The following TGFBR1 variants were observed in gnomAD, a reference collection of about 807,000 sequenced individuals.
TGFBR1 encodes the protein transforming growth factor beta receptor 1, also known as TGF-beta receptor type-1.
TGFBR1 carries 20 observed loss-of-function variants against 55.1 expected under a neutral mutation model. The ratio of observed to expected loss-of-function variants is 0.36; its 90% CI spans 0.26 to 0.53. TGFBR1 has a LOEUF of 0.53. TGFBR1 is among the 20% of genes least tolerant of loss of function. TGFBR1 has a pLI of 0.91. For missense variants in TGFBR1, 385 were observed against 617.6 expected (o/e 0.62, Z 3.99); for synonymous variants, 220 against 214.8 (o/e 1.02, Z -0.21).
intron 4 of TGFBR1, 32 bp downstream of exon 4, chr9:99,138,121 T>C (rs200310614): frequency 1.8e-5 from 28 of 1,568,168 alleles, no homozygotes; most frequent in Admixed American, 5.0e-5. Context: ...TTATGTTATA[T>C]ATAACAAGAT....
chr9:99,151,011 G>C lies in TGFBR1; in HGVS notation c.*1706G>C, dbSNP rs1157018500. On this transcript the variant is annotated 3_prime_UTR_variant, in exon 9 of 9. Transcript: ENST00000374994. The stretch of plus-strand genomic sequence containing the variant: ...AGTGCTATCAGTTCCCCGATACAGG[G>C]TCAGAGTAACCCATACAGTATTTTG... 1 of 227,854 alleles carries C rather than the reference G, an allele frequency of 4.4e-6. No homozygotes were observed. The highest frequency in any genetic ancestry group is 5.7e-5 in the Admixed American group (1 of 17,566). The allele number at this position is 227,854 out of a possible 1,614,324, so 14.1% of individuals were successfully genotyped here.
intron 1 of TGFBR1, among the ~76,000 whole-genome samples, chr9:99,106,700 A>G (rs79181917): frequency 0.014 from 2,059 of 151,718 alleles, 50 homozygotes; most frequent in African/African-American, 0.047. Flanking sequence ...CCTGTATGTC[A>G]TATATATATA....
rs200225987 is a variant in TGFBR1 at position 99,152,410 on chromosome 9, A to G, written c.*3105A>G. 1.3e-5 allele frequency: 3 copies of G among 227,654 alleles called. No individual in the cohort carries two copies. Among genetic ancestry groups the G allele is most frequent in the Non-Finnish European group, 2.6e-5 (3 of 114,262 alleles). The allele number at this position is 227,654 out of a possible 1,614,324, so 14.1% of individuals were successfully genotyped here. On this transcript the variant is annotated 3_prime_UTR_variant, in exon 9 of 9. Transcript: ENST00000374994. ...AGAGCTGAGCCTGTAATTCTGCTGT[A>G]ATAATGATAGTGCTCAAGAAGTGCC... is the stretch of plus-strand genomic sequence containing the variant.
chr9:99,136,203 A>G (rs1217915696), intron 3 of TGFBR1, among the ~76,000 whole-genome samples: 3 of 152,194 alleles, frequency 2.0e-5, no homozygotes, highest in Non-Finnish European at 4.4e-5. Flanking sequence ...AAGTAATCCA[A>G]TATAGATAAT....
intron 5 of TGFBR1, among the ~76,000 whole-genome samples, chr9:99,144,400 T>C (rs1211855192): frequency 1.3e-5 from 2 of 152,248 alleles, no homozygotes; most frequent in African/African-American, 4.8e-5. Flanking sequence ...GCTTGGTTCC[T>C]GGGCTGCTGG....
Position 99,138,006 on chromosome 9 carries a change from C to T in TGFBR1, c.722C>T (p.Ser241Leu), listed in dbSNP as rs111854391. Residue 241 changes from serine to leucine, a missense_variant, in exon 4 of 9, where the codon TCG (serine) becomes TTG (leucine). By Grantham distance (145) the Ser-to-Leu change is moderately radical (BLOSUM62 -2). Around this residue, in one of 5 missense-constraint regions of TGFBR1, gnomAD observed 85 missense variants for 228.4 expected, o/e 0.37. Coordinates refer to ENST00000374994, the MANE Select transcript of TGFBR1 (RefSeq NM_004612.4). Reference protein sequence around the residue: ...VKIFSSREERSWFREAEIYQT... With the variant: ...VKIFSSREERLWFREAEIYQT... ...ATATTCTCCTCTAGAGAAGAACGTT[C>T]GTGGTTCCGTGAGGCAGAGATTTAT... is the stretch of plus-strand genomic sequence containing the variant. 1 of 1,614,006 alleles carries T rather than the reference C, an allele frequency of 6.2e-7. No homozygotes were observed. Among genetic ancestry groups the T allele is most frequent in the Non-Finnish European group, 8.5e-7 (1 of 1,179,952 alleles).
intron 2 of TGFBR1, among the ~76,000 whole-genome samples, chr9:99,130,375 G>C (rs1346418962): frequency 1.3e-5 from 2 of 152,192 alleles, no homozygotes; most frequent in Non-Finnish European, 2.9e-5. Flanking sequence ...AATTAAAGGA[G>C]GAAGCACTGC....
At chr9:99,148,742 G>A (rs1235039883) in intron 8 of TGFBR1, among the ~76,000 whole-genome samples, 2 of 152,090 alleles carry the variant, frequency 1.3e-5, no homozygotes, top group East Asian at 3.8e-4. Context: ...TGAAGTGGGA[G>A]GATTGCTGGA....
intron 3 of TGFBR1, among the ~76,000 whole-genome samples, chr9:99,136,058 T>A (rs2118684214): frequency 6.6e-6 from 1 of 152,230 alleles, no homozygotes; most frequent in Non-Finnish European, 1.5e-5. Context: ...TTTCACCATG[T>A]TGGCCAGGCT....
chr9:99,105,163 C>G lies in TGFBR1; in HGVS notation c.-43C>G. On this transcript the variant is annotated 5_prime_UTR_variant, in exon 1 of 9. Transcript: ENST00000374994. ...GAGGTTTGCTGGGGTGAGGCAGCGG[C>G]GCGGCCGGGCCGGGCCGGGCCACAG... 9.2e-7 allele frequency: 1 copy of G among 1,084,480 alleles called. No homozygotes were observed. The highest frequency in any genetic ancestry group is 1.1e-6 in the Non-Finnish European group (1 of 893,578). 67.2% of individuals were successfully genotyped at this position (1,084,480 alleles called of 1,614,324 possible).
chr9:99,146,462 T>C (rs1265671315), intron 6 of TGFBR1, 23 bp from the exon 7 acceptor site: 1 of 1,613,766 alleles, frequency 6.2e-7, no homozygotes, highest in South Asian at 1.1e-5. Context: ...ATTTTCAAAG[T>C]TCTTTTTGCA....
At chr9:99,105,069 C>A, upstream of TGFBR1, 1 of 628,472 alleles carries the variant, frequency 1.6e-6, no homozygotes, top group Non-Finnish European at 2.0e-6. Context: ...CCAATGGACG[C>A]GCGTCCTCCG....
chr9:99,132,352 C>G (rs1180979383), intron 2 of TGFBR1, 157 bp from the exon 3 acceptor site: 6 of 1,255,818 alleles, frequency 4.8e-6, no homozygotes, highest in Non-Finnish European at 6.7e-6. Flanking sequence ...TTCACTTGTT[C>G]TGGGTTTGAG....
intron 1 of TGFBR1, among the ~76,000 whole-genome samples, chr9:99,105,760 C>T (rs1027124437): frequency 6.6e-6 from 1 of 152,140 alleles, no homozygotes; most frequent in African/African-American, 2.4e-5. Context: ...CCAGAGGCTG[C>T]CGAACCCGGG....
At chr9:99,106,986 T>C (rs1056006775) in intron 1 of TGFBR1, among the ~76,000 whole-genome samples, 1 of 152,198 alleles carries the variant, frequency 6.6e-6, no homozygotes, top group African/African-American at 2.4e-5. Flanking sequence ...ACAGGTAACA[T>C]TTCCACACCG....
chr9:99,136,622 T>C lies in TGFBR1; in HGVS notation c.575-1237T>C, dbSNP rs148714869. 4.6e-5 allele frequency among the ~76,000 whole-genome samples: 7 copies of C among 152,300 alleles called. No homozygotes were observed. In the East Asian group the frequency reaches 7.7e-4, roughly 17 times the overall value. ...GCCTCCTTATAAACACAAACAGTTA[T>C]TTATAGTTATACTGCTAACTACTTT... On this transcript the variant is annotated intron_variant, in intron 3 of 8. Transcript: ENST00000374994.
At chr9:99,106,428 G>A (rs920748295) in intron 1 of TGFBR1, among the ~76,000 whole-genome samples, 2 of 152,168 alleles carry the variant, frequency 1.3e-5, no homozygotes, top group African/African-American at 2.4e-5. Flanking sequence ...GACAAAAGAT[G>A]TTGAAATTTT....
intron 1 of TGFBR1, among the ~76,000 whole-genome samples, chr9:99,118,633 TGTTTTCTTTC>T (rs1395602931): frequency 2.0e-5 from 3 of 151,250 alleles, no homozygotes; most frequent in Non-Finnish European, 4.4e-5. Context: ...ACTCCCTTAC[TGTTTTCTTTC>T]TTTTTTTTTT....
At chr9:99,132,187 C>T (rs1372805700) in intron 2 of TGFBR1, among the ~76,000 whole-genome samples, 1 of 151,868 alleles carries the variant, frequency 6.6e-6, no homozygotes, top group Non-Finnish European at 1.5e-5. Flanking sequence ...GGTATTGTTA[C>T]AGGTTATTGG....
Sources: allele counts gnomAD v4.1 joint callset (sites outside exome capture counted in the v4.1 genomes callset), GRCh38; gene constraint gnomAD v4.1.1; regional missense constraint gnomAD v4.1.1; transcripts MANE v1.5; gene names NCBI Gene and HGNC (gene_info 2026-07-23, HGNC 2026-07-21).